Variants in ATG2B observed in about 807,000 individuals in gnomAD.
The protein encoded by ATG2B is autophagy related 2B, also known as autophagy-related protein 2 homolog B.
Under a neutral mutation model 241.3 loss-of-function variants are expected in ATG2B, and 121 were observed. That is an observed-to-expected ratio of 0.50 (90% CI 0.43 to 0.58). The LOEUF (loss-of-function observed/expected upper bound fraction) is 0.58. ATG2B is among the 20% of genes least tolerant of loss of function. The probability of loss-of-function intolerance (pLI) is 0.00; values close to 1 mark genes in which losing one functional copy is unlikely to be tolerated. For missense variants in ATG2B, 2,306 were observed against 2,491.6 expected (o/e 0.93, Z 1.59); for synonymous variants, 858 against 876.6 (o/e 0.98, Z 0.37).
At chr14:96,304,779 T>C (rs1886890356) in intron 31 of ATG2B, among the ~76,000 whole-genome samples, 176 bp from the exon 32 acceptor site, 3 of 152,176 alleles carry the variant, frequency 2.0e-5, no homozygotes, top group Admixed American at 2.0e-4. Context: ...CTGTAGACAC[T>C]GAAACACGCG....
At chr14:96,340,092 ATGC>A (rs76232360) in intron 6 of ATG2B, among the ~76,000 whole-genome samples, 8,670 of 80,362 alleles carry the variant, frequency 0.11, 1,316 homozygotes, top group East Asian at 0.23. Context: ...ATATGAATAT[ATGC>A]TATATAGAAT....
rs1038721295 is a variant in ATG2B, at chr14:96,362,839, G to A, written c.138C>T (p.Leu46=). 6.2e-7 allele frequency: 1 copy of A among 1,609,918 alleles called. No individual in the cohort carries two copies. Among genetic ancestry groups the A allele is most frequent in the Non-Finnish European group, 8.5e-7 (1 of 1,177,786 alleles). ...SLDLYQGTGS[L]AQVPLDKWCL... Reference sequence around the variant, plus strand: ...CCCATTTGTCCAAGGGGACCTGGGCGAGGGACCCGGTGCCTTGGTACAGGT... The same window carrying A: ...CCCATTTGTCCAAGGGGACCTGGGCAAGGGACCCGGTGCCTTGGTACAGGT... The change falls in exon 1 of 42, where the codon CTC becomes CTT. Residue 46 remains leucine (L), a synonymous_variant. Coordinates refer to ENST00000359933, the MANE Select transcript of ATG2B (RefSeq NM_018036.7).
chr14:96,313,245 C>G lies in ATG2B; in HGVS notation c.3749+84G>C, dbSNP rs143388422. The G allele has an allele frequency of 3.5e-4, 477 of 1,351,718 alleles. 1 individual carries two copies. In the African/African-American group the frequency reaches 5.4e-3, roughly 15 times the overall value. The allele number at this position is 1,351,718 out of a possible 1,614,324, so 83.7% of individuals were successfully genotyped here. On this transcript the variant is annotated intron_variant, in intron 24 of 41. Transcript: ENST00000359933. Reference sequence around the variant, plus strand: ...CAACAACAACAACAACAATTTGAACCTTAACTCTACTGAATTATGTATTTT... The same window carrying G: ...CAACAACAACAACAACAATTTGAACGTTAACTCTACTGAATTATGTATTTT...
At chr14:96,343,374 T>A in intron 4 of ATG2B, 93 bp from the exon 5 acceptor site, 1 of 563,428 alleles carries the variant, frequency 1.8e-6, no homozygotes, top group Non-Finnish European at 2.8e-6. Flanking sequence ...ACCTGCACAT[T>A]GTGCACATGT....
rs771387431 is a variant in ATG2B at position 96,303,261 on chromosome 14, C to T, written c.4843-6G>A. The stretch of plus-strand genomic sequence containing the variant: ...ACTTCATGCTGAAACTTCACCTTAA[C>T]GGGTAAGGAGGAAGAACGCGGAACA... On this transcript the variant is annotated splice_region_variant and splice_polypyrimidine_tract_variant and intron_variant, in intron 32 of 41. Transcript: ENST00000359933. 1.0e-5 allele frequency: 16 copies of T among 1,548,638 alleles called. No individual in the cohort carries two copies. Among genetic ancestry groups the T allele is most frequent in the African/African-American group, 2.8e-5 (2 of 72,308 alleles).
chr14:96,301,912 TA>T, intron 34 of ATG2B, 94 bp downstream of exon 34: 1 of 1,000,042 alleles, frequency 1.0e-6, no homozygotes, highest in Non-Finnish European at 1.5e-6. Context: ...GTAACCGCCA[TA>T]AAAGTTCAAT....
At chr14:96,332,240 A>C in intron 10 of ATG2B, 65 bp downstream of exon 10, 1 of 1,262,850 alleles carries the variant, frequency 7.9e-7, no homozygotes, top group Non-Finnish European at 1.1e-6. Flanking sequence ...AAAGAAAAGC[A>C]CCAGTAGAAT....
intron 17 of ATG2B, 139 bp downstream of exon 17, chr14:96,322,401 T>A: frequency 7.9e-7 from 1 of 1,272,430 alleles, no homozygotes; most frequent in Non-Finnish European, 1.1e-6. Context: ...CAAGAAAAAA[T>A]AGGTATTATT....
chr14:96,341,678 A>C lies in ATG2B; in HGVS notation c.768T>G (p.Pro256=). 6.3e-7 allele frequency: 1 copy of C among 1,581,724 alleles called. No homozygotes were observed. The highest frequency in any genetic ancestry group is 1.3e-5 in the African/African-American group (1 of 74,412). The stretch of plus-strand genomic sequence containing the variant: ...CATAAATAATTTTGGGGTTCCAGCT[A>C]GGTGAGAGCTTTGGCTCAGTTTCCT... The part of the protein sequence containing the change: ...APVETEPKLS[P]SWNPKIIYEP... The change falls in exon 6 of 42, where the codon CCT becomes CCG. Residue 256 remains proline, a synonymous_variant. Coordinates refer to ENST00000359933, the MANE Select transcript of ATG2B (RefSeq NM_018036.7).
At chr14:96,313,830 T>G (rs959643534) in intron 23 of ATG2B, among the ~76,000 whole-genome samples, 1 of 152,180 alleles carries the variant, frequency 6.6e-6, no homozygotes, top group Non-Finnish European at 1.5e-5. Context: ...TTAATAACAA[T>G]GTATGCATAA....
chr14:96,347,752 C>T (rs1053359191), intron 1 of ATG2B, among the ~76,000 whole-genome samples: 5 of 152,142 alleles, frequency 3.3e-5, no homozygotes, highest in Admixed American at 3.3e-4. Context: ...CACTGACCAT[C>T]GGAGAAACAC....
At chr14:96,322,084 A>T in intron 18 of ATG2B, 28 bp downstream of exon 18, 1 of 1,468,502 alleles carries the variant, frequency 6.8e-7, no homozygotes, top group Non-Finnish European at 9.0e-7. Context: ...CTGATTCCAA[A>T]GATTCAACTA....
At chr14:96,341,949 A>C (rs1888047737) in intron 5 of ATG2B, among the ~76,000 whole-genome samples, 1 of 152,218 alleles carries the variant, frequency 6.6e-6, no homozygotes, top group African/African-American at 2.4e-5. Flanking sequence ...TATCTGTTCA[A>C]GTTACAGCAG....
rs2139837592 is a variant in ATG2B at position 96,292,046 on chromosome 14, G to A, written c.5479C>T (p.His1827Tyr). The change falls in exon 37 of 42, where the codon CAT becomes TAT. Residue 1827 changes from histidine to tyrosine, a missense_variant. His to Tyr is a moderately conservative substitution (Grantham distance 83). Around this residue, in one of 2 missense-constraint regions of ATG2B, gnomAD observed 379 missense variants for 480.4 expected, o/e 0.79. Transcript: ENST00000359933. ...VPIRLDYHGK[H>Y]VSMDQGTLAG... ...TTCCCAACCTGATCCATTGATACAT[G>A]TTTGCCATGATAATCAAGTCGAATG... 1 of 1,598,926 alleles carries A rather than the reference G, an allele frequency of 6.3e-7. No homozygotes were observed. Among genetic ancestry groups the A allele is most frequent in the East Asian group, 2.3e-5 (1 of 44,172 alleles).
rs35258365 is a variant in ATG2B at position 96,289,757 on chromosome 14, T to C, written c.5905A>G (p.Ile1969Val). Residue 1969 changes from isoleucine to valine, a missense_variant, in exon 41 of 42, where the codon ATC (isoleucine) becomes GTC (valine). Ile to Val is a conservative substitution (Grantham distance 29). This residue lies in a region of ATG2B where 379 missense variants were observed against 480.4 expected (regional missense o/e 0.79). Coordinates refer to ENST00000359933, the MANE Select transcript of ATG2B (RefSeq NM_018036.7). The surrounding 1 kb of genome is among the most constrained non-coding windows in gnomAD (Gnocchi z 4.3). Reference protein sequence around the residue: ...YDMVSPGTLSIEPKKTKRFPH... With the variant: ...YDMVSPGTLSVEPKKTKRFPH... ...AACCTTTTGGTCTTCTTGGGCTCGA[T>C]AGAAAGGGTACCAGGAGACACCATA... 2,083 of 1,614,080 alleles carry C rather than the reference T, an allele frequency of 1.3e-3. 31 individuals are homozygous for C. In the African/African-American group the frequency reaches 0.023, roughly 18 times the overall value.
At chr14:96,349,173 A>C (rs907648894) in intron 1 of ATG2B, among the ~76,000 whole-genome samples, 1 of 152,240 alleles carries the variant, frequency 6.6e-6, no homozygotes, top group Non-Finnish European at 1.5e-5. Context: ...CCAGGCAAAA[A>C]CAAAGCATGT....
At chr14:96,313,491 T>C (rs759363808) in intron 23 of ATG2B, 56 bp from the exon 24 acceptor site, 7 of 818,812 alleles carry the variant, frequency 8.5e-6, no homozygotes, top group Non-Finnish European at 1.3e-5. Flanking sequence ...AGGTTTCATA[T>C]AATATCCTTA....
chr14:96,287,127 C>T (rs1199935261), intron 41 of ATG2B, among the ~76,000 whole-genome samples: 5 of 151,684 alleles, frequency 3.3e-5, no homozygotes, highest in East Asian at 1.9e-4. Flanking sequence ...TGGTGGCAGG[C>T]GCCTGTAGTC....
Position 96,329,481 on chromosome 14 carries a change from T to C in ATG2B, c.1881+3A>G. On this transcript the variant is annotated splice_donor_region_variant and intron_variant, in intron 12 of 41. Transcript: ENST00000359933. ...TCTTAAAGAAAAAGTATTCAATATT[T>C]ACCTCTGTATAGTGAGGAGGAACAG... The C allele has an allele frequency of 6.3e-7, 1 of 1,580,010 alleles. No individual in the cohort carries two copies. The highest frequency in any genetic ancestry group is 2.3e-5 in the East Asian group (1 of 44,202).
Sources: gnomAD v4.1 joint callset for allele counts (sites outside exome capture counted in the v4.1 genomes callset) on GRCh38, gnomAD v4.1.1 for gene constraint, gnomAD v4.1.1 regional missense constraint, Gnocchi (gnomAD v3.1) non-coding constraint, MANE v1.5 for transcripts, NCBI Gene and HGNC (gene_info 2026-07-23, HGNC 2026-07-21) for gene names.